The following PDE7A variants were observed in gnomAD, a reference collection of about 807,000 sequenced individuals.
PDE7A encodes the protein phosphodiesterase 7A, also known as high affinity 3',5'-cyclic-AMP phosphodiesterase 7A.
PDE7A carries 39 observed loss-of-function variants against 64.3 expected under a neutral mutation model. That is an observed-to-expected ratio of 0.61 (90% CI 0.47 to 0.79). The LOEUF (loss-of-function observed/expected upper bound fraction) is 0.79, where lower values mean the gene tolerates loss of function less well. Among genes scored for constraint, PDE7A ranks in the 30% least tolerant of loss-of-function variants. The pLI is 0.00. For synonymous variants in PDE7A, 203 were observed against 206.8 expected, an observed-to-expected ratio of 0.98 and a Z score of 0.16; for missense variants, 470 against 582.8, an observed-to-expected ratio of 0.81 and a Z score of 1.99.
At chr8:65,767,756 C>T (rs1808864721) in intron 3 of PDE7A, among the ~76,000 whole-genome samples, 1 of 152,086 alleles carries the variant, frequency 6.6e-6, no homozygotes, top group Non-Finnish European at 1.5e-5. Context: ...AGTTCTGCAC[C>T]CCTTCCCCCA....
At chr8:65,741,468 G>A (rs919715627) in intron 5 of PDE7A, among the ~76,000 whole-genome samples, 1 of 152,202 alleles carries the variant, frequency 6.6e-6, no homozygotes, top group Non-Finnish European at 1.5e-5. Context: ...TGATGAAAAA[G>A]TACATTAATT....
intron 5 of PDE7A, among the ~76,000 whole-genome samples, chr8:65,740,466 T>C (rs576431276): frequency 6.6e-6 from 1 of 152,216 alleles, no homozygotes; most frequent in South Asian, 2.1e-4. Context: ...AATGGTGCGA[T>C]CTTGGCTCAC....
chr8:65,834,246 C>T (rs1347231393), intron 1 of PDE7A, among the ~76,000 whole-genome samples: 1 of 152,030 alleles, frequency 6.6e-6, no homozygotes, highest in African/African-American at 2.4e-5. Context: ...TACAACGATC[C>T]ACCTCCCCTT....
chr8:65,818,218 C>A (rs562612411), intron 1 of PDE7A, among the ~76,000 whole-genome samples: 59 of 152,260 alleles, frequency 3.9e-4, no homozygotes, highest in African/African-American at 1.3e-3. Flanking sequence ...TTTCTACTGA[C>A]CTTTTTTTCC....
At chr8:65,774,286 A>T (rs1425479492) in intron 3 of PDE7A, among the ~76,000 whole-genome samples, 1 of 151,228 alleles carries the variant, frequency 6.6e-6, no homozygotes, top group African/African-American at 2.5e-5. Flanking sequence ...ATATTTTTAA[A>T]AGATTTTTTG....
chr8:65,765,266 G>A (rs888050510), intron 3 of PDE7A, among the ~76,000 whole-genome samples: 3 of 151,704 alleles, frequency 2.0e-5, no homozygotes, highest in African/African-American at 7.3e-5. Context: ...GAGGCGGGCG[G>A]ATCACGAGGT....
intron 1 of PDE7A, among the ~76,000 whole-genome samples, chr8:65,829,331 T>C (rs115806830): frequency 1.3e-3 from 201 of 152,290 alleles, no homozygotes; most frequent in African/African-American, 4.4e-3. Flanking sequence ...TGACCCATTA[T>C]ACTTCTGATA....
chr8:65,795,964 A>G (rs1167265073), intron 1 of PDE7A, among the ~76,000 whole-genome samples: 2 of 152,082 alleles, frequency 1.3e-5, no homozygotes, highest in African/African-American at 4.8e-5. Context: ...AAAGAAACTA[A>G]AAAAATGGAT....
intron 3 of PDE7A, among the ~76,000 whole-genome samples, chr8:65,766,778 C>T (rs943314209): frequency 9.2e-5 from 14 of 152,130 alleles, no homozygotes; most frequent in Middle Eastern, 3.2e-3. Context: ...AACAGGTTAA[C>T]GTTAGCTGAA....
chr8:65,773,658 A>T (rs1809174918), intron 3 of PDE7A, among the ~76,000 whole-genome samples: 1 of 152,208 alleles, frequency 6.6e-6, no homozygotes, highest in South Asian at 2.1e-4. Context: ...CTTTATTACT[A>T]ACATTGATAT....
intron 12 of PDE7A, chr8:65,719,854 G>T: frequency 3.8e-6 from 1 of 262,946 alleles, no homozygotes; most frequent in Non-Finnish European, 7.5e-6. Context: ...CAGAGTTGCA[G>T]TGCAACAACT....
rs115586028 is a variant in PDE7A, at chr8:65,837,733, T to C, written c.138+3638A>G. Among the ~76,000 whole-genome samples, 889 of 152,332 alleles carry C rather than the reference T, an allele frequency of 5.8e-3. 8 individuals carry two copies. The highest frequency in any genetic ancestry group is 0.02 in the African/African-American group (840 of 41,580). On this transcript the variant is annotated intron_variant, in intron 1 of 12. Transcript: ENST00000401827. Reference sequence around the variant, plus strand: ...CAATCATTTCTCACACTTACACAAATGTACTTAACAGTAAACAGTACAACA... The same window carrying C: ...CAATCATTTCTCACACTTACACAAACGTACTTAACAGTAAACAGTACAACA...
chr8:65,820,740 C>T (rs910230277), intron 1 of PDE7A, among the ~76,000 whole-genome samples: 2 of 152,106 alleles, frequency 1.3e-5, no homozygotes, highest in African/African-American at 4.8e-5. Context: ...CAGACGCACA[C>T]CACTATGCCA....
chr8:65,790,896 C>T (rs1184425872), intron 1 of PDE7A, among the ~76,000 whole-genome samples: 1 of 152,192 alleles, frequency 6.6e-6, no homozygotes. Flanking sequence ...TAGGCCAATG[C>T]TCCAGGGAAA....
intron 3 of PDE7A, among the ~76,000 whole-genome samples, chr8:65,769,226 T>C (rs1428956370): frequency 7.9e-6 from 1 of 127,374 alleles, no homozygotes; most frequent in Non-Finnish European, 1.5e-5. Flanking sequence ...CCAGCCTAGG[T>C]GACAGAGCAA....
intron 7 of PDE7A, among the ~76,000 whole-genome samples, chr8:65,732,581 T>C (rs928117988): frequency 2.0e-5 from 3 of 152,202 alleles, no homozygotes; most frequent in Non-Finnish European, 4.4e-5. Context: ...GCAGTGGCAC[T>C]ATCACTACTC....
At chr8:65,763,916 A>G (rs1808637772) in intron 3 of PDE7A, among the ~76,000 whole-genome samples, 1 of 152,246 alleles carries the variant, frequency 6.6e-6, no homozygotes, top group Admixed American at 6.5e-5. Context: ...AATTTATGCT[A>G]TCGAGTTAAG....
chr8:65,724,242 T>C lies in PDE7A; in HGVS notation c.1162+13A>G, dbSNP rs375232458. On this transcript the variant is annotated intron_variant, in intron 11 of 12. Transcript: ENST00000401827. The stretch of plus-strand genomic sequence containing the variant: ...ACTGGATAGATTAATTATCACTCAA[T>C]ACTGTAACTTGCCTTGATGGAAGAA... 103 of 1,532,658 alleles carry C rather than the reference T, an allele frequency of 6.7e-5. No individual in the cohort carries two copies. The highest frequency in any genetic ancestry group is 4.4e-4 in the South Asian group (39 of 89,450). The allele number at this position is 1,532,658 out of a possible 1,614,324, so 94.9% of individuals were successfully genotyped here.
At chr8:65,775,150 A>G (rs1156639130) in intron 3 of PDE7A, among the ~76,000 whole-genome samples, 1 of 152,054 alleles carries the variant, frequency 6.6e-6, no homozygotes, top group Non-Finnish European at 1.5e-5. Flanking sequence ...TTCCCCTCTT[A>G]GTTTTTGAGT....
Sources: allele counts gnomAD v4.1 joint callset (sites outside exome capture counted in the v4.1 genomes callset), GRCh38; gene constraint gnomAD v4.1.1; transcripts MANE v1.5; gene names NCBI Gene and HGNC (gene_info 2026-07-23, HGNC 2026-07-21).